AGBL1: variants seen among roughly 807,000 people sequenced by gnomAD.
AGBL1 encodes the protein cytosolic carboxypeptidase 4.
Under a neutral mutation model 118.9 loss-of-function variants are expected in AGBL1, and 130 were observed. That is an observed-to-expected ratio of 1.09 (90% CI 0.95 to 1.26). The LOEUF (loss-of-function observed/expected upper bound fraction) is 1.26. AGBL1 is among the 50% of genes most tolerant of loss of function. The pLI is 0.00. For synonymous variants in AGBL1, 555 were observed against 478.9 expected, an observed-to-expected ratio of 1.16 and a Z score of -2.08; for missense variants, 1,584 against 1,298.1, an observed-to-expected ratio of 1.22 and a Z score of -3.38.
intron 23 of AGBL1, among the ~76,000 whole-genome samples, chr15:86,921,655 A>T (rs1048175336): frequency 1.1e-4 from 17 of 152,112 alleles, no homozygotes; most frequent in Non-Finnish European, 2.1e-4. Flanking sequence ...CTCCCTCTTG[A>T]TGAGGTTTGG....
At chr15:86,391,640 G>GTTTTTTTTTTTTTTTTTT (rs751427467) in intron 17 of AGBL1, among the ~76,000 whole-genome samples, 2 of 73,782 alleles carry the variant, frequency 2.7e-5, no homozygotes, top group Non-Finnish European at 4.7e-5. Flanking sequence ...GTTGTTGTTG[G>GTTTTTTTTTTTTTTTTTT]TTTTTTTTTT....
intron 1 of AGBL1, among the ~76,000 whole-genome samples, chr15:86,086,818 G>T (rs1895689306): frequency 2.0e-5 from 3 of 152,148 alleles, no homozygotes; most frequent in African/African-American, 7.2e-5. Context: ...CGTTCTGATT[G>T]CCCAATAGCA....
Position 86,269,999 on chromosome 15 carries a change from T to G in AGBL1, c.1919T>G (p.Met640Arg). The change falls in exon 14 of 23, where the codon ATG becomes AGG. Residue 640 changes from methionine (M) to arginine (R), a missense_variant. Physicochemically the swap from Met to Arg is moderately conservative, Grantham distance 91. Transcript: ENST00000614907. ...QQWFYFKVSG[M>R]QAAIPYHFNI... ...TGGTTCTATTTCAAAGTGAGCGGTA[T>G]GCAGGCGGCCATCCCTTACCACTTC... The G allele has an allele frequency of 1.2e-6, 2 of 1,613,768 alleles. No homozygotes were observed. The highest frequency in any genetic ancestry group is 1.7e-6 in the Non-Finnish European group (2 of 1,179,812).
chr15:86,550,562 A>C (rs1202825475), intron 20 of AGBL1, among the ~76,000 whole-genome samples: 1 of 152,152 alleles, frequency 6.6e-6, no homozygotes, highest in Non-Finnish European at 1.5e-5. Flanking sequence ...ACAAATTGTT[A>C]ATCAGCAAGG....
chr15:86,937,348 C>T (rs2080689010), intron 23 of AGBL1, among the ~76,000 whole-genome samples: 1 of 152,166 alleles, frequency 6.6e-6, no homozygotes, highest in African/African-American at 2.4e-5. Flanking sequence ...AAGACATAAG[C>T]ACACAAATGT....
chr15:86,424,685 T>C (rs931261243), intron 18 of AGBL1, among the ~76,000 whole-genome samples: 10 of 152,050 alleles, frequency 6.6e-5, no homozygotes, highest in African/African-American at 2.4e-4. Flanking sequence ...CTTAAACAAA[T>C]TTACAATTGA....
At chr15:86,626,836 CTTTTTT>C (rs11318598) in intron 21 of AGBL1, among the ~76,000 whole-genome samples, 2 of 117,828 alleles carry the variant, frequency 1.7e-5, no homozygotes, top group Non-Finnish European at 1.7e-5. Context: ...ATATACTTTT[CTTTTTT>C]TTTTTTTTTT....
chr15:86,926,062 G>C (rs2080535771), intron 23 of AGBL1, among the ~76,000 whole-genome samples: 1 of 152,086 alleles, frequency 6.6e-6, no homozygotes, highest in African/African-American at 2.4e-5. Context: ...ACCTATAGGA[G>C]AAGGAAAACG....
At chr15:86,732,630 T>C (rs1183012949) in intron 22 of AGBL1, among the ~76,000 whole-genome samples, 2 of 152,184 alleles carry the variant, frequency 1.3e-5, no homozygotes, top group Non-Finnish European at 2.9e-5. Flanking sequence ...AGTTCACTTT[T>C]CCTCATTTTG....
chr15:86,583,769 G>A (rs908563063), intron 21 of AGBL1, among the ~76,000 whole-genome samples: 12 of 152,156 alleles, frequency 7.9e-5, no homozygotes, highest in Non-Finnish European at 1.3e-4. Flanking sequence ...TCTCCAAACT[G>A]CTTTCCCTAG....
At chr15:86,452,636 C>T (rs2082209366) in intron 18 of AGBL1, among the ~76,000 whole-genome samples, 1 of 152,170 alleles carries the variant, frequency 6.6e-6, no homozygotes, top group African/African-American at 2.4e-5. Context: ...CAAGGAAGCT[C>T]TCAACACAGA....
intron 21 of AGBL1, among the ~76,000 whole-genome samples, chr15:86,559,116 C>A (rs369149056): frequency 3.3e-5 from 5 of 152,110 alleles, no homozygotes; most frequent in African/African-American, 2.4e-5. Context: ...TACCTGTGAA[C>A]CTCTATCTCT....
At chr15:86,687,277 G>C (rs1182807573) in intron 22 of AGBL1, among the ~76,000 whole-genome samples, 5 of 152,212 alleles carry the variant, frequency 3.3e-5, no homozygotes, top group Non-Finnish European at 7.4e-5. Context: ...AGGCACCTCT[G>C]TCTGCAAAGT....
At chr15:86,723,362 G>C (rs1251890559) in intron 22 of AGBL1, among the ~76,000 whole-genome samples, 1 of 152,202 alleles carries the variant, frequency 6.6e-6, no homozygotes, top group Non-Finnish European at 1.5e-5. Flanking sequence ...GTAGGGACAT[G>C]GATGAAGCTG....
intron 5 of AGBL1, among the ~76,000 whole-genome samples, chr15:86,163,062 A>G (rs569024530): frequency 4.7e-4 from 71 of 152,328 alleles, no homozygotes; most frequent in Middle Eastern, 6.8e-3. Context: ...TGTACTTCCT[A>G]AAGTAGAAAT....
intron 22 of AGBL1, among the ~76,000 whole-genome samples, chr15:86,675,559 A>C (rs1237643305): frequency 3.9e-5 from 6 of 152,222 alleles, no homozygotes; most frequent in Admixed American, 2.6e-4. Flanking sequence ...TTGCTGATTT[A>C]TTTTGACATC....
intron 10 of AGBL1, among the ~76,000 whole-genome samples, 187 bp downstream of exon 10, chr15:86,263,081 AG>A (rs1283150330): frequency 2.6e-5 from 4 of 152,232 alleles, no homozygotes; most frequent in Admixed American, 1.3e-4. Context: ...AATGGAAAAA[AG>A]TTACGATGTA....
chr15:86,266,864 C>A, intron 12 of AGBL1, 126 bp from the exon 13 acceptor site: 1 of 819,266 alleles, frequency 1.2e-6, no homozygotes, highest in Non-Finnish European at 2.0e-6. Flanking sequence ...TCCCGCCCTG[C>A]ACTCCAGCCT....
At chr15:86,444,751 T>C (rs1359224546) in intron 18 of AGBL1, among the ~76,000 whole-genome samples, 1 of 152,136 alleles carries the variant, frequency 6.6e-6, no homozygotes, top group Non-Finnish European at 1.5e-5. Context: ...CCCAGCCCTT[T>C]GCAGTCAAAA....
Sources: gnomAD v4.1 joint callset for allele counts (sites outside exome capture counted in the v4.1 genomes callset) on GRCh38, gnomAD v4.1.1 for gene constraint, MANE v1.5 for transcripts, NCBI Gene and HGNC (gene_info 2026-07-23, HGNC 2026-07-21) for gene names.